Variants in VWC2L observed in about 807,000 individuals in gnomAD.
The protein encoded by VWC2L is von Willebrand factor C domain-containing protein 2-like.
Under a neutral mutation model 21.6 loss-of-function variants are expected in VWC2L, and 10 were observed. The ratio of observed to expected loss-of-function variants is 0.46; its 90% CI spans 0.29 to 0.78. The LOEUF is 0.78. VWC2L is among the 30% of genes least tolerant of loss of function. The pLI is 0.10. For synonymous variants in VWC2L, 96 were observed against 94.3 expected (o/e 1.02, Z -0.10); for missense variants, 209 against 277.1 (o/e 0.75, Z 1.74).
At chr2:214,417,173 A>T (rs1248484240) in intron 2 of VWC2L, among the ~76,000 whole-genome samples, 1 of 152,164 alleles carries the variant, frequency 6.6e-6, no homozygotes, top group Non-Finnish European at 1.5e-5. Context: ...TTGATATGTC[A>T]ATTAGGGAGG....
intron 3 of VWC2L, among the ~76,000 whole-genome samples, chr2:214,462,310 TCTTA>T (rs377399634): frequency 5.8e-4 from 89 of 152,342 alleles, no homozygotes; most frequent in African/African-American, 2.1e-3. Context: ...ACTTGGGATC[TCTTA>T]CTTACCCTGT....
chr2:214,524,883 A>G (rs913426563), intron 3 of VWC2L, among the ~76,000 whole-genome samples: 4 of 150,916 alleles, frequency 2.7e-5, no homozygotes, highest in Admixed American at 2.0e-4. Flanking sequence ...CAATAAATTC[A>G]TTTCTATTTT....
chr2:214,545,952 A>T (rs1364260231), intron 3 of VWC2L, among the ~76,000 whole-genome samples: 1 of 152,188 alleles, frequency 6.6e-6, no homozygotes, highest in East Asian at 1.9e-4. Context: ...GATGTTCACC[A>T]TCCATAATTT....
intron 3 of VWC2L, among the ~76,000 whole-genome samples, chr2:214,541,802 A>G (rs887190018): frequency 1.3e-5 from 2 of 152,174 alleles, no homozygotes; most frequent in Non-Finnish European, 1.5e-5. Flanking sequence ...TAATCAGATA[A>G]TGCATTTACA....
At chr2:214,525,076 CACAT>C (rs746047197) in intron 3 of VWC2L, 6,431 of 72,664 alleles carry the variant, frequency 0.089, 126 homozygotes, top group Non-Finnish European at 0.11. Context: ...CACACACACA[CACAT>C]ACACTTTTAA....
intron 3 of VWC2L, among the ~76,000 whole-genome samples, chr2:214,538,104 T>C (rs1436388815): frequency 6.6e-6 from 1 of 152,068 alleles, no homozygotes; most frequent in Non-Finnish European, 1.5e-5. Context: ...TGAGGAGTCA[T>C]GGTAAACAAT....
At chr2:214,542,711 T>C (rs776911509) in intron 3 of VWC2L, among the ~76,000 whole-genome samples, 6 of 152,176 alleles carry the variant, frequency 3.9e-5, no homozygotes, top group Non-Finnish European at 5.9e-5. Flanking sequence ...CCCTTTCCAA[T>C]CTTTCAACCT....
intron 2 of VWC2L, among the ~76,000 whole-genome samples, chr2:214,425,831 C>G (rs1019171533): frequency 1.3e-5 from 2 of 151,986 alleles, no homozygotes; most frequent in African/African-American, 4.8e-5. Flanking sequence ...ATACAGGTAC[C>G]ACTGATGATA....
chr2:214,546,602 A>G (rs554921529), intron 3 of VWC2L, among the ~76,000 whole-genome samples: 2 of 152,328 alleles, frequency 1.3e-5, no homozygotes, highest in South Asian at 2.1e-4. Context: ...ATTTTTAACA[A>G]TGACAGAAAA....
chr2:214,429,302 T>A (rs909802281), intron 2 of VWC2L, among the ~76,000 whole-genome samples: 11 of 152,228 alleles, frequency 7.2e-5, no homozygotes, highest in Non-Finnish European at 1.6e-4. Flanking sequence ...TTGTCAAGAA[T>A]GTTTTTTATA....
At chr2:214,522,352 G>A (rs547376170) in intron 3 of VWC2L, among the ~76,000 whole-genome samples, 27 of 147,424 alleles carry the variant, frequency 1.8e-4, no homozygotes, top group African/African-American at 5.0e-4. Context: ...TCCAGGCTGG[G>A]GGACAGAGCG....
At chr2:214,516,299 A>C (rs894208532) in intron 3 of VWC2L, among the ~76,000 whole-genome samples, 2 of 151,992 alleles carry the variant, frequency 1.3e-5, no homozygotes, top group African/African-American at 4.8e-5. Context: ...CGCTGCTCTC[A>C]CCCAACAGCC....
chr2:214,493,012 A>G (rs1688765762), intron 3 of VWC2L, among the ~76,000 whole-genome samples: 1 of 152,222 alleles, frequency 6.6e-6, no homozygotes, highest in Non-Finnish European at 1.5e-5. Context: ...ATTTTCAGGG[A>G]GAAGATGACA....
intron 3 of VWC2L, among the ~76,000 whole-genome samples, chr2:214,547,709 T>C (rs1689731547): frequency 6.6e-6 from 1 of 152,170 alleles, no homozygotes; most frequent in Non-Finnish European, 1.5e-5. Flanking sequence ...GTACTTGCAA[T>C]GTAATAGACA....
chr2:214,425,816 G>A (rs2126174009), intron 2 of VWC2L, among the ~76,000 whole-genome samples: 1 of 152,194 alleles, frequency 6.6e-6, no homozygotes, highest in Non-Finnish European at 1.5e-5. Context: ...CTATCTAAAG[G>A]AATAATACAG....
At chr2:214,484,895 T>C (rs1688654683) in intron 3 of VWC2L, among the ~76,000 whole-genome samples, 1 of 152,228 alleles carries the variant, frequency 6.6e-6, no homozygotes, top group Non-Finnish European at 1.5e-5. Context: ...TTTTAGGCAG[T>C]ACCTTTTCTG....
intron 3 of VWC2L, among the ~76,000 whole-genome samples, chr2:214,549,598 C>G (rs1041190880): frequency 1.3e-5 from 2 of 152,174 alleles, no homozygotes; most frequent in Admixed American, 6.5e-5. Flanking sequence ...CATGGTGAAA[C>G]CATGTCTCTA....
intron 3 of VWC2L, among the ~76,000 whole-genome samples, chr2:214,559,151 A>C (rs538491382): frequency 1.3e-5 from 2 of 152,110 alleles, no homozygotes; most frequent in Admixed American, 1.3e-4. Context: ...GAAAAAAACA[A>C]ACAACCCCAT....
At chr2:214,523,664 C>T (rs368295559) in intron 3 of VWC2L, among the ~76,000 whole-genome samples, 2 of 152,016 alleles carry the variant, frequency 1.3e-5, no homozygotes, top group African/African-American at 2.4e-5. Context: ...CATGGTGAAA[C>T]CCCATTTCTA....
Sources: allele counts gnomAD v4.1 joint callset (sites outside exome capture counted in the v4.1 genomes callset), GRCh38; gene constraint gnomAD v4.1.1; transcripts MANE v1.5; gene names NCBI Gene and HGNC (gene_info 2026-07-23, HGNC 2026-07-21).